Variants in LMAN1 observed in about 807,000 individuals in gnomAD.
LMAN1 encodes protein ERGIC-53.
Under a neutral mutation model 67.8 loss-of-function variants are expected in LMAN1, and 32 were observed. The ratio of observed to expected loss-of-function variants is 0.47; its 90% CI spans 0.36 to 0.63. The LOEUF is 0.63. Ranked by LOEUF, LMAN1 falls within the 30% of genes least tolerant of loss-of-function variation. The probability of loss-of-function intolerance (pLI) is 0.00; values close to 1 mark genes in which losing one functional copy is unlikely to be tolerated. For synonymous variants in LMAN1, 235 were observed against 219.3 expected, an observed-to-expected ratio of 1.07 and a Z score of -0.63; for missense variants, 632 against 628.2, an observed-to-expected ratio of 1.01 and a Z score of -0.06.
chr18:59,347,575 C>G lies in LMAN1; in HGVS notation c.764-4G>C, dbSNP rs1190163949. On this transcript the variant is annotated splice_region_variant and splice_polypyrimidine_tract_variant and intron_variant, in intron 6 of 12. Transcript: ENST00000251047. ...AAAGAAAGGACATCATGGTCATCTA[C>G]AAATTAAAAAAAAAAAAGTCTGAAA... 2 of 1,560,416 alleles carry G rather than the reference C, an allele frequency of 1.3e-6. No individual in the cohort carries two copies. Among genetic ancestry groups the G allele is most frequent in the African/African-American group, 2.8e-5 (2 of 70,750 alleles).
intron 4 of LMAN1, among the ~76,000 whole-genome samples, chr18:59,353,509 G>A (rs1908592396): frequency 6.6e-6 from 1 of 152,160 alleles, no homozygotes; most frequent in African/African-American, 2.4e-5. Flanking sequence ...CTTTTAACAT[G>A]TAGATTCCAC....
At chr18:59,339,684 C>T (rs912217824) in intron 8 of LMAN1, among the ~76,000 whole-genome samples, 2 of 152,192 alleles carry the variant, frequency 1.3e-5, no homozygotes, top group Non-Finnish European at 2.9e-5. Context: ...GACATGGCTG[C>T]AGTCGCTGCA....
At chr18:59,345,822 G>T in intron 8 of LMAN1, 97 bp downstream of exon 8, 2 of 1,381,008 alleles carry the variant, frequency 1.4e-6, no homozygotes, top group Non-Finnish European at 2.0e-6. Flanking sequence ...CCTGTTCAGA[G>T]AGCAGGGATG....
At chr18:59,333,559 A>T (rs1908076261) in intron 10 of LMAN1, 3 of 296,940 alleles carry the variant, frequency 1.0e-5, no homozygotes, top group East Asian at 1.9e-4. Flanking sequence ...AGTTATAATA[A>T]ATCTTTCTAG....
In LMAN1 at chr18:59,338,896, T is replaced by C; in HGVS notation, c.1013A>G (p.Gln338Arg). 6.2e-7 allele frequency: 1 copy of C among 1,613,780 alleles called. No individual in the cohort carries two copies. ...DRELRQVFEG[Q>R]NRIHLEIKQL... ...CTTGATTTCAAGATGAATACGATTC[T>C]GTCCTTCAAAGACTTGTCTTAGCTC... The change falls in exon 9 of 13, where the codon CAG becomes CGG. Residue 338 changes from glutamine to arginine, a missense_variant. Transcript: ENST00000251047.
intron 8 of LMAN1, among the ~76,000 whole-genome samples, chr18:59,339,549 T>C (rs1908240107): frequency 6.6e-6 from 1 of 152,188 alleles, no homozygotes; most frequent in East Asian, 1.9e-4. Flanking sequence ...CATATGGAAC[T>C]GCCTAAATAT....
At chr18:59,341,815 A>G (rs1908294526) in intron 8 of LMAN1, among the ~76,000 whole-genome samples, 1 of 152,140 alleles carries the variant, frequency 6.6e-6, no homozygotes, top group South Asian at 2.1e-4. Context: ...TTAGCAAAGA[A>G]AAGAAATAAC....
chr18:59,357,278 T>C (rs1228757631), intron 1 of LMAN1, among the ~76,000 whole-genome samples: 1 of 152,218 alleles, frequency 6.6e-6, no homozygotes, highest in East Asian at 1.9e-4. Flanking sequence ...AATAGATTAG[T>C]TGGTTCCGGC....
In LMAN1 at chr18:59,359,212, G is replaced by A. The variant is rs368038313; in HGVS notation, c.33C>T (p.Ala11=). 1 of 1,613,934 alleles carries A rather than the reference G, an allele frequency of 6.2e-7. No homozygotes were observed. The highest frequency in any genetic ancestry group is 8.5e-7 in the Non-Finnish European group (1 of 1,179,890). Residue 11 remains alanine, a synonymous_variant, in exon 1 of 13, where the codon GCC becomes GCT. Coordinates refer to ENST00000251047, the MANE Select transcript of LMAN1 (RefSeq NM_005570.4). ...AGGCGCAGAACAGCGGCCGAACTCT[G>A]GCCCGGAGACCCCTTTGCCTGGATC... MAGSRQRGLR[A]RVRPLFCALL... is the part of the protein sequence containing the mutation.
chr18:59,342,758 A>G (rs1350827889), intron 8 of LMAN1, among the ~76,000 whole-genome samples: 1 of 152,012 alleles, frequency 6.6e-6, no homozygotes, highest in African/African-American at 2.4e-5. Context: ...TGCCACTTTT[A>G]TCACTCTTAC....
chr18:59,347,350 A>T (rs1603395416), intron 7 of LMAN1, among the ~76,000 whole-genome samples, 163 bp downstream of exon 7: 1 of 134,916 alleles, frequency 7.4e-6, no homozygotes, highest in South Asian at 2.4e-4. Flanking sequence ...AAAAAAAAAA[A>T]AAAAAAAAAA....
intron 11 of LMAN1, 47 bp from the exon 12 acceptor site, chr18:59,331,586 TG>T: frequency 6.3e-7 from 1 of 1,598,288 alleles, no homozygotes; most frequent in Non-Finnish European, 8.6e-7. Context: ...AATAGCAGTT[TG>T]GAAAAAGAAA....
chr18:59,346,238 G>C (rs1356351131), intron 7 of LMAN1, among the ~76,000 whole-genome samples, 187 bp from the exon 8 acceptor site: 4 of 65,274 alleles, frequency 6.1e-5, no homozygotes, highest in Non-Finnish European at 8.8e-5. Context: ...TTTTTTTTTA[G>C]AGACAAGAGT....
chr18:59,331,080 A>G lies in LMAN1; in HGVS notation c.*13T>C. On this transcript the variant is annotated 3_prime_UTR_variant, in exon 13 of 13. Coordinates refer to ENST00000251047, the MANE Select transcript of LMAN1 (RefSeq NM_005570.4). ...TTGTACACAAATAGATGAAGTACAC[A>G]GGAAAATGGTAGTCAAAAGAATTTT... 1.3e-6 allele frequency: 2 copies of G among 1,596,188 alleles called. No individual in the cohort carries two copies. Among genetic ancestry groups the G allele is most frequent in the African/African-American group, 2.7e-5 (2 of 74,608 alleles).
intron 11 of LMAN1, 28 bp downstream of exon 11, chr18:59,333,063 T>TTA: frequency 6.3e-7 from 1 of 1,580,514 alleles, no homozygotes; most frequent in Non-Finnish European, 8.7e-7. Flanking sequence ...AAGATTATAA[T>TTA]TATAAAAGGA....
chr18:59,336,359 G>A lies in LMAN1; in HGVS notation c.1220+2198C>T, dbSNP rs1192384907. ...TTAAAATGCTCAAAAAAAGATGAGG[G>A]CTTGTTGAGAGAACAAAGATGCCAA... On this transcript the variant is annotated intron_variant, in intron 10 of 12. Transcript: ENST00000251047. 2.0e-5 allele frequency among the ~76,000 whole-genome samples: 3 copies of A among 152,234 alleles called. No individual in the cohort carries two copies. In the East Asian group the frequency reaches 5.8e-4, roughly 29 times the overall value.
Position 59,330,791 on chromosome 18 carries a change from A to T in LMAN1, c.*302T>A. On this transcript the variant is annotated 3_prime_UTR_variant, in exon 13 of 13. Transcript: ENST00000251047. ...CTGCAATATTGGAGACTTAGGGGGT[A>T]ACATTCATATCCAGGGGTTGCCCCC... is the stretch of plus-strand genomic sequence containing the variant. The T allele has an allele frequency of 2.8e-6, 1 of 351,174 alleles. No homozygotes were observed. Among genetic ancestry groups the T allele is most frequent in the South Asian group, 4.2e-5 (1 of 23,582 alleles). 21.8% of individuals were successfully genotyped at this position (351,174 alleles called of 1,614,324 possible). A position where few individuals can be genotyped will look rare whatever the true frequency, so the allele number is the denominator to read the frequency against.
Position 59,349,250 on chromosome 18 carries a change from T to C in LMAN1, c.640-14A>G, listed in dbSNP as rs1277951365. 3 of 1,608,334 alleles carry C rather than the reference T, an allele frequency of 1.9e-6. No individual in the cohort carries two copies. Among genetic ancestry groups the C allele is most frequent in the Non-Finnish European group, 2.6e-6 (3 of 1,174,880 alleles). ...ATTGATCATTACCTAGAAAGACATATCATAGCTATAGCTTTTGCAAAAGAC... is the reference window on the plus strand; with the variant it reads ...ATTGATCATTACCTAGAAAGACATACCATAGCTATAGCTTTTGCAAAAGAC... On this transcript the variant is annotated splice_polypyrimidine_tract_variant and intron_variant, in intron 5 of 12. Coordinates refer to ENST00000251047, the MANE Select transcript of LMAN1 (RefSeq NM_005570.4).
chr18:59,345,158 A>AC (rs1287908002), intron 8 of LMAN1, among the ~76,000 whole-genome samples: 4 of 152,176 alleles, frequency 2.6e-5, no homozygotes, highest in Admixed American at 6.5e-5. Context: ...ATTAAGTCTG[A>AC]CTCATACTGT....
Sources: allele counts gnomAD v4.1 joint callset (sites outside exome capture counted in the v4.1 genomes callset), GRCh38; gene constraint gnomAD v4.1.1; transcripts MANE v1.5; gene names NCBI Gene and HGNC (gene_info 2026-07-23, HGNC 2026-07-21).